GALNT9: variants seen among roughly 807,000 people sequenced by gnomAD.
The protein encoded by GALNT9 is polypeptide N-acetylgalactosaminyltransferase 9.
In GALNT9, 47 loss-of-function variants were observed where a neutral mutation model predicts 63.1. The ratio of observed to expected loss-of-function variants is 0.75; its 90% CI spans 0.59 to 0.95. The LOEUF (loss-of-function observed/expected upper bound fraction) is 0.95, where lower values mean the gene tolerates loss of function less well. GALNT9 is among the 40% of genes least tolerant of loss of function. GALNT9 has a pLI of 0.00. For synonymous variants in GALNT9, 396 were observed against 365.7 expected (o/e 1.08, Z -0.94); for missense variants, 829 against 874.8 (o/e 0.95, Z 0.66).
At chr12:132,250,016 G>T (rs985884058) in intron 5 of GALNT9, among the ~76,000 whole-genome samples, 1 of 152,204 alleles carries the variant, frequency 6.6e-6, no homozygotes, top group Non-Finnish European at 1.5e-5. Flanking sequence ...GACGCCTCTT[G>T]TTAGCATCAG....
chr12:132,225,825 C>T (rs1386983509), intron 6 of GALNT9, among the ~76,000 whole-genome samples: 1 of 145,250 alleles, frequency 6.9e-6, no homozygotes, highest in Non-Finnish European at 1.5e-5. Flanking sequence ...CATGCATACC[C>T]TCACACACAC....
rs376181130 is a variant in GALNT9, at chr12:132,315,265, T to G, written c.238+13701A>C. Among the ~76,000 whole-genome samples, 1 of 118,362 alleles carries G rather than the reference T, an allele frequency of 8.4e-6. No homozygotes were observed. Among genetic ancestry groups the G allele is most frequent in the African/African-American group, 2.9e-5 (1 of 34,858 alleles). 77.7% of individuals were successfully genotyped at this position (118,362 alleles called of 152,430 possible). A position where few individuals can be genotyped will look rare whatever the true frequency, so the allele number is the denominator to read the frequency against. ...AGAATATAATCAGGGCGGCCTCCCC[T>G]GTGTCCACTGCAAAGTGCTCGAGCC... On this transcript the variant is annotated intron_variant, in intron 1 of 10. Coordinates refer to ENST00000328957, the MANE Select transcript of GALNT9 (RefSeq NM_001122636.2). The surrounding 1 kb of genome is among the most constrained non-coding windows in gnomAD (Gnocchi z 6.1).
At chr12:132,208,046 T>C (rs1477687982) in intron 6 of GALNT9, among the ~76,000 whole-genome samples, 2 of 152,178 alleles carry the variant, frequency 1.3e-5, no homozygotes, top group African/African-American at 4.8e-5. Flanking sequence ...CAGTATATCA[T>C]CTGCCTTGTG....
At position 132,285,416 on chromosome 12, in the gene GALNT9, C is replaced by A. The variant is rs528270050; in HGVS notation, c.419+834G>T. ...GCCAAACTTTATCCGAGCAACAATG[C>A]CAATTAATCTGGCGCTTGTCGCGGC... On this transcript the variant is annotated intron_variant, in intron 2 of 10. Coordinates refer to ENST00000328957, the MANE Select transcript of GALNT9 (RefSeq NM_001122636.2). 7.4e-4 allele frequency among the ~76,000 whole-genome samples: 112 copies of A among 152,370 alleles called. 2 individuals are homozygous for A. In the South Asian group the frequency reaches 0.02, roughly 28 times the overall value.
chr12:132,293,467 C>G (rs1555242959), intron 1 of GALNT9, among the ~76,000 whole-genome samples: 1 of 152,204 alleles, frequency 6.6e-6, no homozygotes, highest in African/African-American at 2.4e-5. Context: ...CTCCATGACC[C>G]ATGCTGGAGC....
intron 2 of GALNT9, among the ~76,000 whole-genome samples, chr12:132,276,920 A>T (rs797024794): frequency 7.2e-5 from 11 of 152,228 alleles, no homozygotes; most frequent in African/African-American, 2.6e-4. Context: ...ACACATGTCC[A>T]CACATGCACA....
rs376780114 is a variant in GALNT9 at position 132,291,511 on chromosome 12, C to G, written c.239-5081G>C. Among the ~76,000 whole-genome samples the G allele has an allele frequency of 7.0e-4, 89 of 127,542 alleles. 2 individuals carry two copies. The highest frequency in any genetic ancestry group is 2.1e-3 in the African/African-American group (66 of 31,944). The allele number at this position is 127,542 out of a possible 152,430, so 83.7% of individuals were successfully genotyped here. On this transcript the variant is annotated intron_variant, in intron 1 of 10. Coordinates refer to ENST00000328957, the MANE Select transcript of GALNT9 (RefSeq NM_001122636.2). ...CACAACCACAGCGCCCACGTCCACACCACCCACATCCACAGCACCCACGTC... is the reference window on the plus strand; with the variant it reads ...CACAACCACAGCGCCCACGTCCACAGCACCCACATCCACAGCACCCACGTC...
intron 7 of GALNT9, among the ~76,000 whole-genome samples, chr12:132,203,012 G>A (rs1192339172): frequency 2.6e-5 from 4 of 152,164 alleles, no homozygotes; most frequent in Non-Finnish European, 5.9e-5. Context: ...CTGTGGACGT[G>A]ACTCAGCCAT....
chr12:132,286,043 G>A lies in GALNT9; in HGVS notation c.419+207C>T, dbSNP rs905963159. Among the ~76,000 whole-genome samples the A allele has an allele frequency of 5.9e-5, 9 of 151,946 alleles. No homozygotes were observed. The highest frequency in any genetic ancestry group is 1.9e-4 in the East Asian group (1 of 5,160). On this transcript the variant is annotated intron_variant, in intron 2 of 10. Transcript: ENST00000328957. The surrounding 1 kb of genome is among the most constrained non-coding windows in gnomAD (Gnocchi z 7.4). Reference sequence around the variant, plus strand: ...CCCGCAGCTCGTGGGGGCAGTCCCCGGCCAGCACGGGGGAGCGCTCACTTT... The same window carrying A: ...CCCGCAGCTCGTGGGGGCAGTCCCCAGCCAGCACGGGGGAGCGCTCACTTT...
At chr12:132,227,844 G>A (rs1281127504) in intron 6 of GALNT9, among the ~76,000 whole-genome samples, 2 of 152,098 alleles carry the variant, frequency 1.3e-5, no homozygotes, top group Admixed American at 6.5e-5. Flanking sequence ...GACCCCTCGT[G>A]CTCAGCGGGG....
chr12:132,245,394 A>T lies in GALNT9; in HGVS notation c.1077+2516T>A, dbSNP rs1192666725. Among the ~76,000 whole-genome samples, 1 of 152,104 alleles carries T rather than the reference A, an allele frequency of 6.6e-6. No homozygotes were observed. Among genetic ancestry groups the T allele is most frequent in the East Asian group, 1.9e-4 (1 of 5,182 alleles). On this transcript the variant is annotated intron_variant, in intron 6 of 10. Coordinates refer to ENST00000328957, the MANE Select transcript of GALNT9 (RefSeq NM_001122636.2). This position sits in a 1 kb window ranked among gnomAD's most constrained non-coding sequence, Gnocchi z 6.3. Reference sequence around the variant, plus strand: ...GAGGTGGAGGTTGCAGTGAGCAGAGATCGTGCCACTGCACTCCAGCCTGGG... The same window carrying T: ...GAGGTGGAGGTTGCAGTGAGCAGAGTTCGTGCCACTGCACTCCAGCCTGGG...
Position 132,286,592 on chromosome 12 carries a change from A to C in GALNT9, c.239-162T>G. On this transcript the variant is annotated intron_variant, in intron 1 of 10. Transcript: ENST00000328957. The surrounding 1 kb of genome is among the most constrained non-coding windows in gnomAD (Gnocchi z 7.4). ...GCTGCCAGCTCAGGACATTCCAGAA[A>C]GTGCAAGGCTGTGCGCGGAGTGAGA... The C allele has an allele frequency of 3.3e-6, 4 of 1,227,028 alleles. No individual in the cohort carries two copies. The highest frequency in any genetic ancestry group is 3.0e-5 in the African/African-American group (2 of 65,838). The allele number at this position is 1,227,028 out of a possible 1,614,324, so 76.0% of individuals were successfully genotyped here.
intron 1 of GALNT9, among the ~76,000 whole-genome samples, chr12:132,298,327 G>C (rs1881151433): frequency 6.6e-6 from 1 of 151,154 alleles, no homozygotes; most frequent in Admixed American, 6.6e-5. Flanking sequence ...ACCCACCCAT[G>C]AGATAAACAA....
At chr12:132,198,382 G>A (rs535493010) in intron 9 of GALNT9, among the ~76,000 whole-genome samples, 138 of 152,032 alleles carry the variant, frequency 9.1e-4, no homozygotes, top group Middle Eastern at 3.4e-3. Context: ...TGGTCAGAAT[G>A]GCCTGGACCT....
chr12:132,222,050 G>A (rs1877471523), intron 6 of GALNT9, among the ~76,000 whole-genome samples: 2 of 152,200 alleles, frequency 1.3e-5, no homozygotes, highest in African/African-American at 4.8e-5. Flanking sequence ...AGCCTGTGAC[G>A]AGGGCTGCTC....
At chr12:132,302,387 C>T (rs149658392) in intron 1 of GALNT9, among the ~76,000 whole-genome samples, 20 of 152,294 alleles carry the variant, frequency 1.3e-4, no homozygotes, top group East Asian at 9.6e-4. Flanking sequence ...TGGTGTCTGC[C>T]GCCTGCATTC....
chr12:132,204,653 C>A (rs971429680), intron 6 of GALNT9, among the ~76,000 whole-genome samples: 2 of 152,150 alleles, frequency 1.3e-5, no homozygotes, highest in African/African-American at 4.8e-5. Flanking sequence ...CTTAGATGAA[C>A]TTTCACAGCT....
At chr12:132,273,760 C>T (rs1879954535) in intron 2 of GALNT9, 1 of 152,340 alleles carries the variant, frequency 6.6e-6, no homozygotes, top group Non-Finnish European at 1.5e-5. Context: ...CACCCAGGAC[C>T]ACTTGAGAGC....
intron 8 of GALNT9, among the ~76,000 whole-genome samples, chr12:132,200,074 T>TGGGGGAG (rs1385756525): frequency 6.6e-6 from 1 of 151,982 alleles, no homozygotes; most frequent in Admixed American, 6.6e-5. Flanking sequence ...ACAGGGAGGC[T>TGGGGGAG]GGGGGAGAGG....
Sources: gnomAD v4.1 joint callset for allele counts (sites outside exome capture counted in the v4.1 genomes callset) on GRCh38, gnomAD v4.1.1 for gene constraint, Gnocchi (gnomAD v3.1) non-coding constraint, MANE v1.5 for transcripts, NCBI Gene and HGNC (gene_info 2026-07-23, HGNC 2026-07-21) for gene names.